The following PPP1R9A variants were observed in gnomAD, a reference collection of about 807,000 sequenced individuals.
PPP1R9A encodes the protein neurabin-1.
A neutral mutation model predicts 141.9 loss-of-function variants in PPP1R9A; 59 were observed. That is an observed-to-expected ratio of 0.42 (90% CI 0.34 to 0.52). The LOEUF (loss-of-function observed/expected upper bound fraction) is 0.52, where lower values mean the gene tolerates loss of function less well. PPP1R9A is among the 20% of genes least tolerant of loss of function. The pLI is 0.10. For missense variants in PPP1R9A, 1,444 were observed against 1,611.9 expected, an observed-to-expected ratio of 0.90 and a Z score of 1.78; for synonymous variants, 500 against 569.7, an observed-to-expected ratio of 0.88 and a Z score of 1.74.
intron 2 of PPP1R9A, among the ~76,000 whole-genome samples, chr7:94,932,803 G>A (rs1264103163): frequency 1.4e-5 from 2 of 138,220 alleles, no homozygotes; most frequent in African/African-American, 5.6e-5. Context: ...GAGGTAACAG[G>A]GTTTGAACCC....
chr7:95,237,204 T>G (rs1422536386), intron 8 of PPP1R9A, among the ~76,000 whole-genome samples: 16 of 145,244 alleles, frequency 1.1e-4, no homozygotes, highest in Non-Finnish European at 2.3e-4. Context: ...TGGTTTTTTG[T>G]TTTTTTTTTG....
At chr7:95,204,252 ATACTT>A (rs1367506918) in intron 7 of PPP1R9A, among the ~76,000 whole-genome samples, 14 of 152,344 alleles carry the variant, frequency 9.2e-5, no homozygotes, top group South Asian at 4.1e-4. Flanking sequence ...AAATGATACT[ATACTT>A]TAAATAATAA....
intron 7 of PPP1R9A, among the ~76,000 whole-genome samples, chr7:95,219,789 C>T (rs1352280125): frequency 6.6e-6 from 1 of 152,002 alleles, no homozygotes; most frequent in South Asian, 2.1e-4. Flanking sequence ...ATAGAAGAGA[C>T]CACAAAAGAT....
chr7:94,943,763 T>C (rs776387344), intron 2 of PPP1R9A, among the ~76,000 whole-genome samples: 4 of 152,182 alleles, frequency 2.6e-5, no homozygotes, highest in Non-Finnish European at 4.4e-5. Context: ...TTAAAACAAA[T>C]AACCCTCATT....
chr7:95,108,298 G>GTTTCT (rs1819878200), intron 2 of PPP1R9A, among the ~76,000 whole-genome samples: 2 of 76,366 alleles, frequency 2.6e-5, no homozygotes, highest in Non-Finnish European at 5.8e-5. Flanking sequence ...TTTCTTTTTC[G>GTTTCT]TTTCTTTTCT....
intron 4 of PPP1R9A, among the ~76,000 whole-genome samples, chr7:95,149,482 T>C (rs1327168028): frequency 3.3e-5 from 5 of 151,996 alleles, no homozygotes; most frequent in African/African-American, 1.2e-4. Context: ...TGTTCAAAAA[T>C]AGAGTAAAAA....
At chr7:94,957,839 A>G (rs557639055) in intron 2 of PPP1R9A, among the ~76,000 whole-genome samples, 21 of 152,086 alleles carry the variant, frequency 1.4e-4, no homozygotes, top group Non-Finnish European at 3.1e-4. Context: ...ATACTAACTA[A>G]AGCAATTTTA....
At chr7:94,974,525 G>A (rs1216267602) in intron 2 of PPP1R9A, among the ~76,000 whole-genome samples, 3 of 152,152 alleles carry the variant, frequency 2.0e-5, no homozygotes, top group Non-Finnish European at 4.4e-5. Flanking sequence ...TCAGAGGAAG[G>A]TGTTGGAAAA....
chr7:94,958,393 GTAGAGCCCTTGTCTATCTC>G (rs982599403), intron 2 of PPP1R9A, among the ~76,000 whole-genome samples: 4 of 151,946 alleles, frequency 2.6e-5, no homozygotes, highest in African/African-American at 7.2e-5. Context: ...TTCCAGGATA[GTAGAGCCCTTGTCTATCTC>G]ATTCACCTCT....
chr7:95,223,845 T>A (rs1794785060), intron 7 of PPP1R9A, among the ~76,000 whole-genome samples: 1 of 152,086 alleles, frequency 6.6e-6, no homozygotes, highest in Non-Finnish European at 1.5e-5. Flanking sequence ...TACACAGTTT[T>A]ATACCTCTAT....
chr7:95,110,940 A>G (rs1343488439), intron 2 of PPP1R9A, among the ~76,000 whole-genome samples: 1 of 152,194 alleles, frequency 6.6e-6, no homozygotes, highest in Non-Finnish European at 1.5e-5. Context: ...TTATTGGGAA[A>G]CAGCAGAGCG....
intron 2 of PPP1R9A, among the ~76,000 whole-genome samples, chr7:95,019,454 G>T (rs1192602880): frequency 6.6e-6 from 1 of 152,072 alleles, no homozygotes; most frequent in Non-Finnish European, 1.5e-5. Context: ...ACACAGTAAG[G>T]TCACATCACA....
chr7:94,974,767 C>T (rs893763244), intron 2 of PPP1R9A, among the ~76,000 whole-genome samples: 1 of 152,116 alleles, frequency 6.6e-6, no homozygotes, highest in Admixed American at 6.5e-5. Context: ...CTAAAGTCAG[C>T]TATTTGAGTT....
At chr7:95,230,828 C>A (rs1237691578) in intron 8 of PPP1R9A, among the ~76,000 whole-genome samples, 1 of 152,000 alleles carries the variant, frequency 6.6e-6, no homozygotes, top group Admixed American at 6.6e-5. Context: ...TCTCACAGGA[C>A]CTTTATAACA....
Position 94,951,317 on chromosome 7 carries a change from T to C in PPP1R9A, c.1395+39809T>C, listed in dbSNP as rs145222240. Among the ~76,000 whole-genome samples, 336 of 152,150 alleles carry C rather than the reference T, an allele frequency of 2.2e-3. 2 individuals are homozygous for C. The highest frequency in any genetic ancestry group is 7.5e-3 in the African/African-American group (310 of 41,566). ...ATTTTTGTCTTGTTTCTGATTTTAA[T>C]GTTAAAGATTTTAATATTTTATTAT... On this transcript the variant is annotated intron_variant, in intron 2 of 19. Transcript: ENST00000433360.
At chr7:95,113,815 C>A (rs896647320) in intron 3 of PPP1R9A, among the ~76,000 whole-genome samples, 2 of 152,056 alleles carry the variant, frequency 1.3e-5, no homozygotes, top group Non-Finnish European at 2.9e-5. Flanking sequence ...AAACAAAGAG[C>A]AGCTTGTTCA....
intron 4 of PPP1R9A, among the ~76,000 whole-genome samples, chr7:95,137,710 A>G (rs1301372331): frequency 6.6e-6 from 1 of 152,120 alleles, no homozygotes; most frequent in African/African-American, 2.4e-5. Flanking sequence ...TTTTTGGAGA[A>G]ATTGACAAGA....
At chr7:94,991,013 G>A (rs1801438598) in intron 2 of PPP1R9A, among the ~76,000 whole-genome samples, 1 of 152,070 alleles carries the variant, frequency 6.6e-6, no homozygotes, top group Admixed American at 6.6e-5. Flanking sequence ...AGTAAGTATA[G>A]GGTTGCAGGT....
intron 4 of PPP1R9A, among the ~76,000 whole-genome samples, chr7:95,127,583 G>A (rs1422144801): frequency 2.0e-5 from 3 of 150,886 alleles, no homozygotes; most frequent in Non-Finnish European, 4.4e-5. Flanking sequence ...ATTGTGTCAT[G>A]CTAAGGTGTG....
Sources: allele counts gnomAD v4.1 joint callset (sites outside exome capture counted in the v4.1 genomes callset), GRCh38; gene constraint gnomAD v4.1.1; transcripts MANE v1.5; gene names NCBI Gene and HGNC (gene_info 2026-07-23, HGNC 2026-07-21).